Variants in CDH18 observed in about 807,000 individuals in gnomAD.
CDH18 encodes cadherin 18.
CDH18 carries 31 observed loss-of-function variants against 67.9 expected under a neutral mutation model. The ratio of observed to expected loss-of-function variants is 0.46; its 90% CI spans 0.34 to 0.62. CDH18 has a LOEUF of 0.62. Among genes scored for constraint, CDH18 ranks in the 20% least tolerant of loss-of-function variants. The pLI, the probability that CDH18 is intolerant of heterozygous loss-of-function variation, is 0.01. For missense variants in CDH18, 890 were observed against 975.5 expected (o/e 0.91, Z 1.17); for synonymous variants, 362 against 347.2 (o/e 1.04, Z -0.48).
At chr5:19,804,888 C>T (rs1777872944) in intron 3 of CDH18, among the ~76,000 whole-genome samples, 1 of 151,930 alleles carries the variant, frequency 6.6e-6, no homozygotes, top group South Asian at 2.1e-4. Flanking sequence ...TAAGTCTCTT[C>T]AGGAGAAAAT....
At chr5:20,029,219 T>C (rs538043620) in intron 2 of CDH18, among the ~76,000 whole-genome samples, 53 of 152,312 alleles carry the variant, frequency 3.5e-4, no homozygotes, top group Non-Finnish European at 5.4e-4. Context: ...TTAGTATGTG[T>C]ATATTAGTGC....
intron 1 of CDH18, among the ~76,000 whole-genome samples, chr5:20,353,155 A>G (rs1741344666): frequency 6.6e-6 from 1 of 152,074 alleles, no homozygotes; most frequent in Non-Finnish European, 1.5e-5. Flanking sequence ...TTGGTCCTTC[A>G]TATGTGAGTT....
At chr5:19,801,216 T>C (rs1777435002) in intron 3 of CDH18, among the ~76,000 whole-genome samples, 1 of 152,190 alleles carries the variant, frequency 6.6e-6, no homozygotes, top group Admixed American at 6.5e-5. Flanking sequence ...GTATCTTTTT[T>C]AAAAGAATAT....
chr5:19,875,457 T>C (rs1053640580), intron 2 of CDH18, among the ~76,000 whole-genome samples: 2 of 152,160 alleles, frequency 1.3e-5, no homozygotes, highest in South Asian at 2.1e-4. Flanking sequence ...GATCTATAGA[T>C]AGATAGATGG....
At chr5:19,902,978 G>T (rs1413415633) in intron 2 of CDH18, among the ~76,000 whole-genome samples, 1 of 151,780 alleles carries the variant, frequency 6.6e-6, no homozygotes, top group African/African-American at 2.4e-5. Flanking sequence ...TCATTATAAA[G>T]TATTATTATT....
At chr5:20,059,423 G>T (rs1201622534) in intron 2 of CDH18, among the ~76,000 whole-genome samples, 2 of 151,994 alleles carry the variant, frequency 1.3e-5, no homozygotes, top group Non-Finnish European at 2.9e-5. Flanking sequence ...TGATGTTAGG[G>T]TATCAATTTT....
intron 2 of CDH18, among the ~76,000 whole-genome samples, chr5:19,973,057 A>T (rs1798176340): frequency 6.6e-6 from 1 of 152,018 alleles, no homozygotes; most frequent in African/African-American, 2.4e-5. Context: ...AGAACAAATA[A>T]CTTACGGTAT....
intron 2 of CDH18, among the ~76,000 whole-genome samples, chr5:20,136,550 A>G (rs1749731529): frequency 6.6e-6 from 1 of 152,148 alleles, no homozygotes; most frequent in African/African-American, 2.4e-5. Flanking sequence ...CCAATTTGCC[A>G]GTATGTATCT....
At chr5:19,659,688 C>A (rs1415395253) in intron 5 of CDH18, among the ~76,000 whole-genome samples, 2 of 152,070 alleles carry the variant, frequency 1.3e-5, no homozygotes, top group Non-Finnish European at 2.9e-5. Context: ...AGTGTCTTCA[C>A]ATAGCTTTTA....
chr5:20,384,858 T>C (rs185457315), intron 1 of CDH18, among the ~76,000 whole-genome samples: 18 of 152,204 alleles, frequency 1.2e-4, no homozygotes, highest in Non-Finnish European at 4.4e-5. Flanking sequence ...TTATTTTGAG[T>C]TGGAGTCTCA....
chr5:19,800,325 CG>C (rs1777321553), intron 3 of CDH18, among the ~76,000 whole-genome samples: 1 of 151,990 alleles, frequency 6.6e-6, no homozygotes, highest in South Asian at 2.1e-4. Context: ...GCATTTAGCA[CG>C]TAGTCATAAA....
chr5:20,053,684 T>C (rs984194488), intron 2 of CDH18, among the ~76,000 whole-genome samples: 9 of 152,146 alleles, frequency 5.9e-5, no homozygotes, highest in Non-Finnish European at 7.3e-5. Flanking sequence ...CCACCATCTC[T>C]CACCTGGATG....
intron 9 of CDH18, among the ~76,000 whole-genome samples, chr5:19,526,691 A>T (rs1361659697): frequency 1.3e-5 from 2 of 152,106 alleles, no homozygotes; most frequent in African/African-American, 4.8e-5. Flanking sequence ...AATCATGTCT[A>T]TGAGTGTATG....
chr5:20,305,800 G>C, intron 1 of CDH18: 1 of 242,564 alleles, frequency 4.1e-6, no homozygotes, highest in Non-Finnish European at 8.0e-6. Context: ...AAACCAATTC[G>C]AAAAAAAGGG....
intron 2 of CDH18, among the ~76,000 whole-genome samples, chr5:20,169,082 T>C (rs1736503514): frequency 6.6e-6 from 1 of 152,116 alleles, no homozygotes; most frequent in South Asian, 2.1e-4. Flanking sequence ...CAAACAAAGA[T>C]GACTGTAGTG....
intron 2 of CDH18, among the ~76,000 whole-genome samples, chr5:19,949,144 C>T (rs1795549055): frequency 6.6e-6 from 1 of 152,092 alleles, no homozygotes; most frequent in African/African-American, 2.4e-5. Context: ...TGTTTCTTCT[C>T]TGGGCGCAGA....
chr5:20,087,959 G>C (rs867470483), intron 2 of CDH18, among the ~76,000 whole-genome samples: 7 of 152,134 alleles, frequency 4.6e-5, no homozygotes, highest in Non-Finnish European at 7.4e-5. Flanking sequence ...GATGCAGAAA[G>C]ATATATGTAT....
At chr5:20,108,398 C>T (rs960687376) in intron 2 of CDH18, among the ~76,000 whole-genome samples, 1 of 152,010 alleles carries the variant, frequency 6.6e-6, no homozygotes, top group Non-Finnish European at 1.5e-5. Context: ...GCCCTAATTC[C>T]CTCTTTAAAG....
intron 5 of CDH18, among the ~76,000 whole-genome samples, chr5:19,632,960 T>G (rs1752623314): frequency 6.6e-6 from 1 of 152,156 alleles, no homozygotes; most frequent in South Asian, 2.1e-4. Flanking sequence ...TTTCAGACTC[T>G]TGGAGGAGGT....
Sources: allele counts gnomAD v4.1 joint callset (sites outside exome capture counted in the v4.1 genomes callset), GRCh38; gene constraint gnomAD v4.1.1; transcripts MANE v1.5; gene names NCBI Gene and HGNC (gene_info 2026-07-23, HGNC 2026-07-21).